SASH1: variants seen among roughly 807,000 people sequenced by gnomAD.
SASH1 encodes SAM and SH3 domain-containing protein 1.
In SASH1, 44 loss-of-function variants were observed where a neutral mutation model predicts 125.2. The ratio of observed to expected loss-of-function variants is 0.35; its 90% CI spans 0.28 to 0.45. The LOEUF is 0.45. SASH1 is among the 20% of genes least tolerant of loss of function. SASH1 has a pLI of 1.00. For synonymous variants in SASH1, 639 were observed against 649.1 expected, an observed-to-expected ratio of 0.98 and a Z score of 0.24; for missense variants, 1,426 against 1,614.5, an observed-to-expected ratio of 0.88 and a Z score of 2.00.
chr6:148,306,590 T>A (rs7749410), intron 1 of SASH1, among the ~76,000 whole-genome samples: 33,416 of 152,142 alleles, frequency 0.22, 3,888 homozygotes, highest in South Asian at 0.3. Context: ...AGGGGAGGCA[T>A]CCATCCACAC....
At chr6:148,344,829 C>T (rs1275264322) in intron 1 of SASH1, among the ~76,000 whole-genome samples, 3 of 151,242 alleles carry the variant, frequency 2.0e-5, no homozygotes, top group African/African-American at 7.3e-5. Flanking sequence ...GAGCTCAGCT[C>T]ACTGCAACCT....
At chr6:148,229,038 G>A in the SASH1 span, among the ~76,000 whole-genome samples, 1 of 147,584 alleles carries the variant, frequency 6.8e-6, no homozygotes, top group Non-Finnish European at 1.5e-5. Context: ...GGAGGCTAAG[G>A]CAGGAGAACC....
the SASH1 span, among the ~76,000 whole-genome samples, chr6:148,203,615 T>C: frequency 6.6e-6 from 1 of 152,186 alleles, no homozygotes. Flanking sequence ...ATAATAATAT[T>C]TGTCCATGTG....
chr6:148,526,597 A>G (rs999354726), intron 11 of SASH1, among the ~76,000 whole-genome samples: 1 of 152,196 alleles, frequency 6.6e-6, no homozygotes, highest in African/African-American at 2.4e-5. Context: ...TTTAGAAATG[A>G]GAGAAAATAT....
At chr6:148,482,909 G>A (rs1357091193) in intron 7 of SASH1, among the ~76,000 whole-genome samples, 7 of 151,700 alleles carry the variant, frequency 4.6e-5, no homozygotes. Flanking sequence ...GGCTGGTCTC[G>A]AACTCCTGAC....
At chr6:148,337,936 A>C (rs965425461), upstream of SASH1, among the ~76,000 whole-genome samples, 2 of 150,984 alleles carry the variant, frequency 1.3e-5, no homozygotes, top group Non-Finnish European at 3.0e-5. Flanking sequence ...AAAATCTTCT[A>C]CGTCACTTTC....
chr6:148,357,610 A>C (rs954289196), intron 1 of SASH1, among the ~76,000 whole-genome samples: 1 of 152,130 alleles, frequency 6.6e-6, no homozygotes, highest in Non-Finnish European at 1.5e-5. Context: ...ATCAATTCCA[A>C]GGTGGTGGAG....
chr6:148,224,526 AATTTTTGT>A, the SASH1 span, among the ~76,000 whole-genome samples: 5 of 152,050 alleles, frequency 3.3e-5, no homozygotes, highest in African/African-American at 9.6e-5. Context: ...ACCTTTGGCT[AATTTTTGT>A]ATTTTTAGTA....
At chr6:148,376,757 G>C (rs559396073) in intron 1 of SASH1, among the ~76,000 whole-genome samples, 27 of 152,154 alleles carry the variant, frequency 1.8e-4, no homozygotes, top group African/African-American at 6.3e-4. Context: ...CCAGCTACTC[G>C]GGAGGCTGCC....
chr6:148,490,558 G>T (rs1026937570), intron 8 of SASH1, among the ~76,000 whole-genome samples: 2 of 152,196 alleles, frequency 1.3e-5, no homozygotes, highest in African/African-American at 2.4e-5. Context: ...AGCAGAAACA[G>T]AAGGAATTAC....
intron 1 of SASH1, among the ~76,000 whole-genome samples, chr6:148,357,865 A>G (rs1056362679): frequency 6.6e-5 from 10 of 151,828 alleles, no homozygotes; most frequent in African/African-American, 2.2e-4. Flanking sequence ...TTCGAGACCA[A>G]CCTGACCAAT....
chr6:148,411,221 A>AT (rs1784617530), intron 2 of SASH1, among the ~76,000 whole-genome samples: 1 of 126,692 alleles, frequency 7.9e-6, no homozygotes, highest in African/African-American at 2.9e-5. Flanking sequence ...GTATTTTTGT[A>AT]TTTTTGTTTT....
At chr6:148,513,333 C>T in intron 8 of SASH1, 2 of 985,432 alleles carry the variant, frequency 2.0e-6, no homozygotes, top group Non-Finnish European at 2.4e-6. Context: ...ATTGCTCACC[C>T]ACTGCACAGG....
chr6:148,317,295 A>C (rs1562321364), intron 1 of SASH1, among the ~76,000 whole-genome samples: 1 of 152,256 alleles, frequency 6.6e-6, no homozygotes, highest in Non-Finnish European at 1.5e-5. Context: ...GCTCTTGTTC[A>C]TCTGTGACAC....
At chr6:148,235,540 T>C in the SASH1 span, among the ~76,000 whole-genome samples, 1 of 151,748 alleles carries the variant, frequency 6.6e-6, no homozygotes, top group South Asian at 2.1e-4. Flanking sequence ...TGGTTTTACA[T>C]GTCTAAATTA....
chr6:148,289,861 G>GTTTTTTTT (rs144013796), intron 1 of SASH1, among the ~76,000 whole-genome samples: 3 of 85,892 alleles, frequency 3.5e-5, no homozygotes, highest in African/African-American at 1.3e-4. Context: ...TTTTGGTTGT[G>GTTTTTTTT]TTTTTTTTTT....
intron 1 of SASH1, among the ~76,000 whole-genome samples, chr6:148,308,481 C>T (rs993458975): frequency 4.6e-5 from 7 of 151,348 alleles, no homozygotes; most frequent in East Asian, 2.0e-4. Context: ...CTGTAACCTC[C>T]GCTTCCCAGG....
At position 148,532,160 on chromosome 6, in the gene SASH1, C is replaced by G. The variant is rs1781558657; in HGVS notation, c.1564+499C>G. On this transcript the variant is annotated intron_variant, in intron 13 of 19. Transcript: ENST00000367467. This position sits in a 1 kb window ranked among gnomAD's most constrained non-coding sequence, Gnocchi z 4.7. The stretch of plus-strand genomic sequence containing the variant: ...TGTTGTGATCTCAGCTCACTGCAAC[C>G]TTCACCTCCCTGGCTCAAGGGATCC... Among the ~76,000 whole-genome samples the G allele has an allele frequency of 6.6e-6, 1 of 152,120 alleles. No homozygotes were observed.
intron 1 of SASH1, among the ~76,000 whole-genome samples, chr6:148,337,230 T>A (rs1781186318): frequency 6.7e-6 from 1 of 150,362 alleles, no homozygotes; most frequent in Admixed American, 6.6e-5. Context: ...CTAATTTTTT[T>A]TTTTTTTTTT....
Sources: allele counts gnomAD v4.1 joint callset (sites outside exome capture counted in the v4.1 genomes callset), GRCh38; gene constraint gnomAD v4.1.1; non-coding constraint Gnocchi (gnomAD v3.1); transcripts MANE v1.5; gene names NCBI Gene and HGNC (gene_info 2026-07-23, HGNC 2026-07-21).